ITIH5: variants seen among roughly 807,000 people sequenced by gnomAD.
ITIH5 encodes inter-alpha-trypsin inhibitor heavy chain H5.
A neutral mutation model predicts 77.5 loss-of-function variants in ITIH5; 65 were observed. The observed-to-expected ratio is 0.84, with a 90% CI of 0.69 to 1.03. ITIH5 has a LOEUF of 1.03. Ranked by LOEUF, ITIH5 falls within the 50% of genes least tolerant of loss-of-function variation. ITIH5 has a pLI of 0.00. For missense variants in ITIH5, 1,208 were observed against 1,213.1 expected, an observed-to-expected ratio of 1.00 and a Z score of 0.06; for synonymous variants, 525 against 494.3, an observed-to-expected ratio of 1.06 and a Z score of -0.82.
Position 7,563,703 on chromosome 10 carries a change from G to T in ITIH5, c.2528-319C>A, listed in dbSNP as rs56812575. On this transcript the variant is annotated intron_variant, in intron 13 of 13. Coordinates refer to ENST00000397146, the MANE Select transcript of ITIH5 (RefSeq NM_030569.7). ...CAGGACGGGGCATATGAAGAGGGAA[G>T]TAGTGTTCCATCTTCTCTCTGTCCT... is the stretch of plus-strand genomic sequence containing the variant. Among the ~76,000 whole-genome samples the T allele has an allele frequency of 2.8e-3, 421 of 152,352 alleles. 3 individuals are homozygous for T. Among genetic ancestry groups the T allele is most frequent in the African/African-American group, 9.8e-3 (406 of 41,588 alleles).
Position 7,613,800 on chromosome 10 carries a change from A to G in ITIH5, c.939+2182T>C, listed in dbSNP as rs1028881911. On this transcript the variant is annotated intron_variant, in intron 7 of 13. Transcript: ENST00000397146. The stretch of plus-strand genomic sequence containing the variant: ...AGGCCGCACATCCCCTCTGTAGCTT[A>G]GGGGTGCTCTGGCAAATCTACACTG... Among the ~76,000 whole-genome samples, 7 of 151,824 alleles carry G rather than the reference A, an allele frequency of 4.6e-5. No individual in the cohort carries two copies. The South Asian group carries it at 1.5e-3, about 32-fold the overall frequency.
At chr10:7,636,879 C>T (rs953966208) in intron 5 of ITIH5, among the ~76,000 whole-genome samples, 1 of 152,006 alleles carries the variant, frequency 6.6e-6, no homozygotes, top group Admixed American at 6.5e-5. Context: ...TGGTGAAACC[C>T]CGTCTCGACT....
chr10:7,622,657 A>C (rs1337793501), intron 5 of ITIH5, among the ~76,000 whole-genome samples: 1 of 152,230 alleles, frequency 6.6e-6, no homozygotes, highest in Non-Finnish European at 1.5e-5. Context: ...CATAACAGGA[A>C]ATTCAATATA....
chr10:7,588,959 A>T (rs2130983249), intron 7 of ITIH5, among the ~76,000 whole-genome samples: 1 of 152,378 alleles, frequency 6.6e-6, no homozygotes. Flanking sequence ...CTTCAGGGAC[A>T]GCACGTGCAC....
At chr10:7,627,293 TAAAGTA>T (rs1833597614) in intron 5 of ITIH5, among the ~76,000 whole-genome samples, 1 of 117,018 alleles carries the variant, frequency 8.5e-6, no homozygotes, top group Non-Finnish European at 1.7e-5. Flanking sequence ...TCCCAGAACT[TAAAGTA>T]AAAGAAAAAA....
At chr10:7,651,955 T>C (rs1481437483) in intron 2 of ITIH5, among the ~76,000 whole-genome samples, 1 of 152,170 alleles carries the variant, frequency 6.6e-6, no homozygotes, top group Non-Finnish European at 1.5e-5. Flanking sequence ...TCTGTGTATC[T>C]TACCACACTC....
At chr10:7,652,924 G>A (rs1834123911) in intron 2 of ITIH5, among the ~76,000 whole-genome samples, 3 of 151,976 alleles carry the variant, frequency 2.0e-5, no homozygotes, top group Admixed American at 1.3e-4. Context: ...ACAGGAGAAC[G>A]ACTCTGAATG....
At chr10:7,602,078 T>C (rs1008729360) in intron 7 of ITIH5, among the ~76,000 whole-genome samples, 17 of 152,132 alleles carry the variant, frequency 1.1e-4, no homozygotes, top group Non-Finnish European at 1.8e-4. Context: ...GGTCTTGAAC[T>C]CCTGACCTCA....
chr10:7,565,655 C>T lies in ITIH5; in HGVS notation c.2527+375G>A, dbSNP rs571998615. ...TATATGTATAGACTGTATATATATA[C>T]ACACACATACATATACAGACCATAT... On this transcript the variant is annotated intron_variant, in intron 13 of 13. Transcript: ENST00000397146. Among the ~76,000 whole-genome samples, 6 of 148,166 alleles carry T rather than the reference C, an allele frequency of 4.0e-5. No homozygotes were observed. In the East Asian group the frequency reaches 1.2e-3, roughly 29 times the overall value.
intron 10 of ITIH5, 149 bp from the exon 11 acceptor site, chr10:7,573,344 C>T: frequency 1.5e-6 from 1 of 650,714 alleles, no homozygotes. Context: ...AAAACATCAT[C>T]AGTCTTAAAA....
intron 3 of ITIH5, among the ~76,000 whole-genome samples, chr10:7,641,682 G>GC (rs1833890210): frequency 1.1e-4 from 2 of 19,000 alleles, no homozygotes; most frequent in African/African-American, 4.5e-4. Context: ...GGCAGGGAAG[G>GC]AGGGAGGGAG....
intron 10 of ITIH5, among the ~76,000 whole-genome samples, chr10:7,573,997 G>A (rs990107118): frequency 1.3e-5 from 2 of 152,100 alleles, no homozygotes; most frequent in Non-Finnish European, 2.9e-5. Flanking sequence ...GGGTAAGGTG[G>A]TAAATTTTAT....
chr10:7,654,664 C>T lies in ITIH5; in HGVS notation c.135+967G>A, dbSNP rs1210986112. On this transcript the variant is annotated intron_variant, in intron 2 of 13. Coordinates refer to ENST00000397146, the MANE Select transcript of ITIH5 (RefSeq NM_030569.7). Reference sequence around the variant, plus strand: ...GGGAACCAGGGGAATGGCACACATGCTTTGACTACTGCTATTACTGTGAGT... The same window carrying T: ...GGGAACCAGGGGAATGGCACACATGTTTTGACTACTGCTATTACTGTGAGT... 2.0e-5 allele frequency among the ~76,000 whole-genome samples: 3 copies of T among 152,204 alleles called. 1 individual carries two copies. The highest frequency in any genetic ancestry group is 4.4e-5 in the Non-Finnish European group (3 of 68,046).
chr10:7,570,890 G>A (rs1262588655), intron 11 of ITIH5, among the ~76,000 whole-genome samples: 1 of 152,194 alleles, frequency 6.6e-6, no homozygotes, highest in Non-Finnish European at 1.5e-5. Flanking sequence ...CCAAAGTGCT[G>A]GGATTTCAGG....
intron 7 of ITIH5, among the ~76,000 whole-genome samples, chr10:7,590,649 C>T (rs918892083): frequency 3.9e-5 from 6 of 152,218 alleles, no homozygotes; most frequent in Non-Finnish European, 7.3e-5. Flanking sequence ...TCCTCCTGCA[C>T]GCATCCACCA....
chr10:7,619,826 C>T (rs1365816233), intron 5 of ITIH5: 2 of 159,826 alleles, frequency 1.3e-5, no homozygotes, highest in African/African-American at 2.4e-5. Flanking sequence ...ATTCGAAATG[C>T]TATTTCCGTG....
At chr10:7,573,877 G>A (rs1473676806) in intron 10 of ITIH5, among the ~76,000 whole-genome samples, 1 of 152,038 alleles carries the variant, frequency 6.6e-6, no homozygotes, top group African/African-American at 2.4e-5. Context: ...TTGTTCAGTG[G>A]GCCTGTAGCA....
chr10:7,609,993 T>C (rs113917461), intron 7 of ITIH5, among the ~76,000 whole-genome samples: 1,825 of 152,040 alleles, frequency 0.012, 27 homozygotes, highest in African/African-American at 0.04. Flanking sequence ...GCTTTAAGCA[T>C]GCAACTAACA....
At position 7,585,859 on chromosome 10, in the gene ITIH5, T is replaced by C. The variant is rs754237514; in HGVS notation, c.1108+42A>G. 17 of 1,477,696 alleles carry C rather than the reference T, an allele frequency of 1.2e-5. No individual in the cohort carries two copies. In the African/African-American group the frequency reaches 2.4e-4, roughly 21 times the overall value. 91.5% of individuals were successfully genotyped at this position (1,477,696 alleles called of 1,614,324 possible). A position where few individuals can be genotyped will look rare whatever the true frequency, so the allele number is the denominator to read the frequency against. On this transcript the variant is annotated intron_variant, in intron 8 of 13. Transcript: ENST00000397146. Reference sequence around the variant, plus strand: ...AAAAAAACCAAAAAAAAAAACATTATTTCAAAGCCAAGCCAATGTGAAAAG... The same window carrying C: ...AAAAAAACCAAAAAAAAAAACATTACTTCAAAGCCAAGCCAATGTGAAAAG...
Sources: allele counts gnomAD v4.1 joint callset (sites outside exome capture counted in the v4.1 genomes callset), GRCh38; gene constraint gnomAD v4.1.1; transcripts MANE v1.5; gene names NCBI Gene and HGNC (gene_info 2026-07-23, HGNC 2026-07-21).